The following CAMTA1 variants were observed in gnomAD, a reference collection of about 807,000 sequenced individuals.
The protein encoded by CAMTA1 is calmodulin-binding transcription activator 1.
Under a neutral mutation model 170.9 loss-of-function variants are expected in CAMTA1, and 27 were observed. The observed-to-expected ratio is 0.16, with a 90% confidence interval of 0.12 to 0.22. CAMTA1 has a LOEUF of 0.22. Among genes scored for constraint, CAMTA1 ranks in the 10% least tolerant of loss-of-function variants. The probability of loss-of-function intolerance (pLI) is 1.00; values close to 1 mark genes in which losing one functional copy is unlikely to be tolerated. For synonymous variants in CAMTA1, 833 were observed against 891.5 expected, an observed-to-expected ratio of 0.93 and a Z score of 1.17; for missense variants, 1,619 against 2,217.2, an observed-to-expected ratio of 0.73 and a Z score of 5.42.
chr1:6,864,640 G>A (rs1023053425), intron 3 of CAMTA1, among the ~76,000 whole-genome samples: 4 of 152,056 alleles, frequency 2.6e-5, no homozygotes, highest in Admixed American at 6.6e-5. Context: ...TAGACATGTC[G>A]TTGCCTCTGC....
chr1:7,035,496 A>G (rs1013329829), intron 3 of CAMTA1, among the ~76,000 whole-genome samples: 2 of 152,226 alleles, frequency 1.3e-5, no homozygotes, highest in African/African-American at 4.8e-5. Flanking sequence ...TTCTGTAAGC[A>G]CATGGCAATG....
In CAMTA1 at chr1:6,976,977, A is replaced by G. The variant is rs562579764; in HGVS notation, c.235-114327A>G. On this transcript the variant is annotated intron_variant, in intron 3 of 22. Coordinates refer to ENST00000303635, the MANE Select transcript of CAMTA1 (RefSeq NM_015215.4). ...TTTCTTGCCTGCTGCCATGTAAGAC[A>G]TGCCTTCTCTTCTCCTTTGCCTTTC... Among the ~76,000 whole-genome samples, 48 of 152,290 alleles carry G rather than the reference A, an allele frequency of 3.2e-4. No homozygotes were observed. In the East Asian group the frequency reaches 3.9e-3, roughly 12 times the overall value.
intron 6 of CAMTA1, among the ~76,000 whole-genome samples, chr1:7,493,025 GCA>G: frequency 7.6e-6 from 1 of 130,980 alleles, no homozygotes; most frequent in African/African-American, 3.0e-5. Context: ...AAACACACAT[GCA>G]CGCACACACA....
intron 7 of CAMTA1, 23 bp from the exon 8 acceptor site, chr1:7,661,702 GC>G (rs761592144): frequency 8.8e-5 from 142 of 1,613,104 alleles, no homozygotes; most frequent in Admixed American, 4.5e-4. Flanking sequence ...GGCTCTGACA[GC>G]CCCCCTGCCT....
intron 3 of CAMTA1, among the ~76,000 whole-genome samples, chr1:6,877,690 A>G (rs1670320009): frequency 6.6e-6 from 1 of 152,222 alleles, no homozygotes; most frequent in Non-Finnish European, 1.5e-5. Context: ...AGACTGTCAC[A>G]TACGCTGGCC....
chr1:7,360,579 A>T (rs1485323552), intron 5 of CAMTA1, among the ~76,000 whole-genome samples: 2 of 152,232 alleles, frequency 1.3e-5, no homozygotes, highest in African/African-American at 4.8e-5. Context: ...GAGGTCAAAG[A>T]TGACAAGCCT....
chr1:7,680,416 C>G lies in CAMTA1; in HGVS notation c.2914+2683C>G, dbSNP rs375088764. On this transcript the variant is annotated intron_variant, in intron 11 of 22. Coordinates refer to ENST00000303635, the MANE Select transcript of CAMTA1 (RefSeq NM_015215.4). This position sits in a 1 kb window ranked among gnomAD's most constrained non-coding sequence, Gnocchi z 4.4. ...CCAGGGGACTGCAGCGCGGAGCAAA[C>G]TGGGGCACGGCTGCCGGCGGCGCGC... Among the ~76,000 whole-genome samples the G allele has an allele frequency of 1.7e-4, 26 of 152,230 alleles. 1 individual carries two copies. The East Asian group carries it at 4.5e-3, about 26-fold the overall frequency.
At position 7,745,862 on chromosome 1, in the gene CAMTA1, C is replaced by T. The variant is rs746854690; in HGVS notation, c.4388C>T (p.Pro1463Leu). The T allele has an allele frequency of 1.2e-6, 2 of 1,614,214 alleles. No homozygotes were observed. Among genetic ancestry groups the T allele is most frequent in the Non-Finnish European group, 8.5e-7 (1 of 1,180,042 alleles). The part of the protein sequence containing the change: ...AAQIRSAYNE[P>L]LTPSSNTSLS... ...TGTTTCAGAAGTGCATATAACGAGC[C>T]TCTAACCCCTTCTTCTAATACCAGC... is the stretch of plus-strand genomic sequence containing the variant. Residue 1463 changes from proline (P) to leucine (L), a missense_variant, in exon 18 of 23, where the codon CCT (proline) becomes CTT (leucine). This residue lies in a region of CAMTA1 where 370 missense variants were observed against 429.4 expected (regional missense o/e 0.86). Transcript: ENST00000303635.
chr1:7,649,989 G>A (rs141625189), intron 7 of CAMTA1, among the ~76,000 whole-genome samples: 5 of 152,188 alleles, frequency 3.3e-5, no homozygotes, highest in East Asian at 1.9e-4. Context: ...GCTCAGAGGC[G>A]GCTGCTCTGT....
chr1:7,095,610 A>G (rs1641988672), intron 4 of CAMTA1, among the ~76,000 whole-genome samples: 1 of 152,334 alleles, frequency 6.6e-6, no homozygotes, highest in South Asian at 2.1e-4. Flanking sequence ...GAGCCCGTCA[A>G]TAGCTCCTCT....
chr1:7,506,096 G>A (rs563569030), intron 6 of CAMTA1, among the ~76,000 whole-genome samples: 50 of 152,240 alleles, frequency 3.3e-4, no homozygotes, highest in African/African-American at 1.1e-3. Context: ...GGAGGAAGCC[G>A]GCCAGAGGCT....
intron 3 of CAMTA1, among the ~76,000 whole-genome samples, chr1:7,009,166 G>A (rs949011881): frequency 1.3e-5 from 2 of 152,354 alleles, no homozygotes; most frequent in South Asian, 2.1e-4. Flanking sequence ...TCTGGGCCCC[G>A]TTTACTCCTC....
intron 5 of CAMTA1, among the ~76,000 whole-genome samples, chr1:7,428,075 G>A (rs1012623734): frequency 1.3e-5 from 2 of 152,176 alleles, no homozygotes; most frequent in Non-Finnish European, 2.9e-5. Context: ...TCTCTGGGAA[G>A]CACTGTGTGT....
intron 6 of CAMTA1, among the ~76,000 whole-genome samples, chr1:7,504,356 G>C (rs1313505468): frequency 2.0e-5 from 3 of 152,232 alleles, no homozygotes; most frequent in Non-Finnish European, 4.4e-5. Flanking sequence ...AATGTGTCCA[G>C]CTGTCCTGCC....
chr1:6,923,861 A>G (rs1287571810), intron 3 of CAMTA1, among the ~76,000 whole-genome samples: 3 of 152,134 alleles, frequency 2.0e-5, no homozygotes, highest in African/African-American at 4.8e-5. Context: ...AATCCCCTAG[A>G]CCTGCCAATT....
At chr1:7,444,629 A>C (rs1221667656) in intron 5 of CAMTA1, among the ~76,000 whole-genome samples, 2 of 152,242 alleles carry the variant, frequency 1.3e-5, no homozygotes, top group Non-Finnish European at 2.9e-5. Context: ...TTGGGCAAGC[A>C]GAGGGTCATG....
In CAMTA1 at chr1:6,810,221, G is replaced by A. The variant is rs1448542026; in HGVS notation, c.46-9960G>A. 3.3e-5 allele frequency among the ~76,000 whole-genome samples: 5 copies of A among 152,302 alleles called. No individual in the cohort carries two copies. The East Asian group carries it at 7.7e-4, about 24-fold the overall frequency. On this transcript the variant is annotated intron_variant, in intron 1 of 22. Coordinates refer to ENST00000303635, the MANE Select transcript of CAMTA1 (RefSeq NM_015215.4). ...GCTGGCCAGGACTGGGCTCACCTTG[G>A]AAACCTCTGGTAGGGGAGGATCCAC...
chr1:7,659,630 A>T (rs2095937293), intron 7 of CAMTA1, among the ~76,000 whole-genome samples: 2 of 152,146 alleles, frequency 1.3e-5, no homozygotes, highest in South Asian at 4.2e-4. Flanking sequence ...GCCACCACAG[A>T]GATCTACCCG....
chr1:7,002,167 T>A (rs551296734), intron 3 of CAMTA1, among the ~76,000 whole-genome samples: 40 of 152,240 alleles, frequency 2.6e-4, no homozygotes, highest in African/African-American at 8.7e-4. Context: ...AGTGCTGAGA[T>A]TACAAGTGTT....
Sources: allele counts gnomAD v4.1 joint callset (sites outside exome capture counted in the v4.1 genomes callset), GRCh38; gene constraint gnomAD v4.1.1; regional missense constraint gnomAD v4.1.1; non-coding constraint Gnocchi (gnomAD v3.1); transcripts MANE v1.5; gene names NCBI Gene and HGNC (gene_info 2026-07-23, HGNC 2026-07-21).